STK31: variants seen among roughly 807,000 people sequenced by gnomAD.
STK31 encodes serine/threonine-protein kinase 31.
STK31 carries 89 observed loss-of-function variants against 129.7 expected under a neutral mutation model. The observed-to-expected ratio is 0.69, with a 90% CI of 0.58 to 0.82. The LOEUF (loss-of-function observed/expected upper bound fraction) is 0.82, where lower values mean the gene tolerates loss of function less well. STK31 is among the 40% of genes least tolerant of loss of function. The pLI is 0.00. For missense variants in STK31, 1,187 were observed against 1,176.4 expected (o/e 1.01, Z -0.13); for synonymous variants, 448 against 395.3 (o/e 1.13, Z -1.58).
At chr7:23,737,329 A>G (rs1017210406) in intron 8 of STK31, among the ~76,000 whole-genome samples, 1 of 152,212 alleles carries the variant, frequency 6.6e-6, no homozygotes, top group Admixed American at 6.5e-5. Flanking sequence ...CTTTTCAACT[A>G]AGGCAATTTT....
chr7:23,819,769 A>C (rs1295122103), intron 23 of STK31, among the ~76,000 whole-genome samples: 1 of 97,950 alleles, frequency 1.0e-5, no homozygotes, highest in Non-Finnish European at 2.2e-5. Flanking sequence ...TAAAAGGTAT[A>C]CTAAGGTGTC....
intron 10 of STK31, among the ~76,000 whole-genome samples, chr7:23,757,185 A>C (rs1479151383): frequency 6.6e-6 from 1 of 152,034 alleles, no homozygotes; most frequent in Non-Finnish European, 1.5e-5. Context: ...TTATTGGTCT[A>C]TTCAGGGATT....
intron 23 of STK31, 64 bp downstream of exon 23, chr7:23,815,276 G>T: frequency 8.7e-7 from 1 of 1,144,214 alleles, no homozygotes; most frequent in South Asian, 1.8e-5. Flanking sequence ...TTAGATATCT[G>T]ACTGAAAGTT....
At chr7:23,774,401 G>C (rs1790404983) in intron 15 of STK31, among the ~76,000 whole-genome samples, 1 of 152,202 alleles carries the variant, frequency 6.6e-6, no homozygotes, top group African/African-American at 2.4e-5. Context: ...CCCACCAACA[G>C]TGTAAAAGTG....
chr7:23,772,971 G>C (rs1790293877), intron 15 of STK31, among the ~76,000 whole-genome samples: 1 of 152,094 alleles, frequency 6.6e-6, no homozygotes, highest in Admixed American at 6.6e-5. Flanking sequence ...CATAGTTGAA[G>C]AACTTTCTAG....
At chr7:23,818,454 T>C (rs1161404231) in intron 23 of STK31, among the ~76,000 whole-genome samples, 1 of 152,180 alleles carries the variant, frequency 6.6e-6, no homozygotes. Flanking sequence ...ATCAGTGTGT[T>C]CAGGCAGAAA....
chr7:23,817,942 GT>G (rs1308635435), intron 23 of STK31, among the ~76,000 whole-genome samples: 3 of 151,108 alleles, frequency 2.0e-5, no homozygotes, highest in Admixed American at 6.6e-5. Context: ...TAATTTTTCT[GT>G]ATTGTTTTTC....
At chr7:23,822,489 C>T (rs568107441) in intron 23 of STK31, among the ~76,000 whole-genome samples, 2 of 152,178 alleles carry the variant, frequency 1.3e-5, no homozygotes, top group African/African-American at 2.4e-5. Context: ...GATTCTATAT[C>T]CTGCGATTTA....
intron 6 of STK31, among the ~76,000 whole-genome samples, chr7:23,734,031 T>G (rs894163449): frequency 2.6e-5 from 4 of 152,178 alleles, no homozygotes; most frequent in Admixed American, 2.6e-4. Context: ...TTAAAAATGT[T>G]ATTTAGTTTC....
intron 8 of STK31, among the ~76,000 whole-genome samples, chr7:23,744,249 A>G (rs1426047425): frequency 6.6e-6 from 1 of 150,820 alleles, no homozygotes; most frequent in Non-Finnish European, 1.5e-5. Flanking sequence ...AAGCTTTGGA[A>G]TGTATTTTGT....
intron 4 of STK31, among the ~76,000 whole-genome samples, chr7:23,726,595 C>A (rs149348551): frequency 6.8e-6 from 1 of 147,922 alleles, no homozygotes; most frequent in Non-Finnish European, 1.5e-5. Context: ...CCAGGCCTGG[C>A]GACAGAATGA....
chr7:23,713,487 A>G (rs1031690674), intron 3 of STK31, among the ~76,000 whole-genome samples: 3 of 152,094 alleles, frequency 2.0e-5, no homozygotes, highest in Non-Finnish European at 2.9e-5. Context: ...TTTTTCTTCA[A>G]TAAACCTTAG....
At chr7:23,801,203 A>G (rs931502066) in intron 22 of STK31, among the ~76,000 whole-genome samples, 2 of 152,160 alleles carry the variant, frequency 1.3e-5, no homozygotes, top group African/African-American at 2.4e-5. Flanking sequence ...GTTCAGCATC[A>G]TTGTCGGCAC....
At chr7:23,795,138 C>T (rs1357195495) in intron 22 of STK31, among the ~76,000 whole-genome samples, 1 of 152,218 alleles carries the variant, frequency 6.6e-6, no homozygotes, top group African/African-American at 2.4e-5. Context: ...CCCTTCCCAT[C>T]ACAGGCACAG....
chr7:23,811,046 T>G (rs1485045281), intron 22 of STK31: 1 of 157,682 alleles, frequency 6.3e-6, no homozygotes, highest in African/African-American at 2.4e-5. Flanking sequence ...AAGATGACAT[T>G]ATTCCCATTT....
intron 6 of STK31, among the ~76,000 whole-genome samples, chr7:23,734,486 A>C (rs944828735): frequency 6.6e-5 from 10 of 152,190 alleles, no homozygotes; most frequent in Non-Finnish European, 1.0e-4. Flanking sequence ...AGTTTTATGG[A>C]GGAGTAGATA....
At chr7:23,779,425 G>A (rs1340034141) in intron 15 of STK31, among the ~76,000 whole-genome samples, 1 of 152,204 alleles carries the variant, frequency 6.6e-6, no homozygotes, top group Non-Finnish European at 1.5e-5. Context: ...AAAGTCTGCT[G>A]AAGCTATGCC....
chr7:23,814,756 A>G (rs557685175), intron 22 of STK31, among the ~76,000 whole-genome samples: 1 of 151,466 alleles, frequency 6.6e-6, no homozygotes, highest in South Asian at 2.1e-4. Flanking sequence ...GTTTTTTTTT[A>G]AGTTTAGCTT....
intron 22 of STK31, among the ~76,000 whole-genome samples, chr7:23,813,322 T>G (rs1191156623): frequency 6.6e-6 from 1 of 152,182 alleles, no homozygotes; most frequent in Non-Finnish European, 1.5e-5. Flanking sequence ...AATTGTTTGT[T>G]GAAGCATTTT....
Sources: allele counts gnomAD v4.1 joint callset (sites outside exome capture counted in the v4.1 genomes callset), GRCh38; gene constraint gnomAD v4.1.1; transcripts MANE v1.5; gene names NCBI Gene and HGNC (gene_info 2026-07-23, HGNC 2026-07-21).